RHBDL3: variants seen among roughly 807,000 people sequenced by gnomAD.
The protein encoded by RHBDL3 is rhomboid like 3, also known as rhomboid-related protein 3.
RHBDL3 carries 28 observed loss-of-function variants against 48.2 expected under a neutral mutation model. That is an observed-to-expected ratio of 0.58 (90% CI 0.43 to 0.80). The LOEUF (loss-of-function observed/expected upper bound fraction) is 0.80. RHBDL3 is among the 30% of genes least tolerant of loss of function. RHBDL3 has a pLI of 0.00. For synonymous variants in RHBDL3, 208 were observed against 232.3 expected, an observed-to-expected ratio of 0.90 and a Z score of 0.95; for missense variants, 464 against 542.7, an observed-to-expected ratio of 0.85 and a Z score of 1.44.
chr17:32,268,114 C>G (rs1008304179), intron 2 of RHBDL3, among the ~76,000 whole-genome samples, 189 bp downstream of exon 2: 4 of 152,170 alleles, frequency 2.6e-5, no homozygotes, highest in African/African-American at 4.8e-5. Context: ...ATGGGCTCCC[C>G]TGAGAGGATC....
chr17:32,283,529 T>C (rs974079526), intron 2 of RHBDL3, among the ~76,000 whole-genome samples: 3 of 151,312 alleles, frequency 2.0e-5, no homozygotes, highest in Non-Finnish European at 2.9e-5. Context: ...TTCACCGTGT[T>C]AGCCAGGATG....
At chr17:32,315,832 T>C (rs2040958953) in intron 7 of RHBDL3, among the ~76,000 whole-genome samples, 1 of 151,896 alleles carries the variant, frequency 6.6e-6, no homozygotes, top group Non-Finnish European at 1.5e-5. Context: ...GGCTTCCCCA[T>C]TCATTCCTCA....
intron 7 of RHBDL3, among the ~76,000 whole-genome samples, chr17:32,309,738 C>G (rs976289600): frequency 6.8e-6 from 1 of 147,408 alleles, no homozygotes; most frequent in Non-Finnish European, 1.5e-5. Flanking sequence ...AACAAAAGAT[C>G]TGGAATGCAA....
intron 2 of RHBDL3, among the ~76,000 whole-genome samples, chr17:32,271,736 G>T (rs970926817): frequency 1.3e-5 from 2 of 152,104 alleles, no homozygotes; most frequent in African/African-American, 4.8e-5. Context: ...AGAACAAGAG[G>T]GAAAATGCAG....
intron 6 of RHBDL3, among the ~76,000 whole-genome samples, chr17:32,302,985 A>G (rs902685226): frequency 3.3e-5 from 5 of 152,194 alleles, no homozygotes; most frequent in African/African-American, 1.2e-4. Context: ...ACCTCATTTT[A>G]TAGACATGAA....
chr17:32,290,703 TAAAG>T (rs949030123), intron 4 of RHBDL3, among the ~76,000 whole-genome samples: 2 of 152,026 alleles, frequency 1.3e-5, no homozygotes, highest in African/African-American at 2.4e-5. Flanking sequence ...ACCTGAATCT[TAAAG>T]AAATAAAAGA....
intron 6 of RHBDL3, among the ~76,000 whole-genome samples, chr17:32,303,854 G>A (rs902437868): frequency 2.0e-5 from 3 of 152,026 alleles, no homozygotes; most frequent in Non-Finnish European, 4.4e-5. Flanking sequence ...TCCTAAGTCC[G>A]TGGATCTTGC....
chr17:32,284,586 A>G, intron 2 of RHBDL3, 73 bp from the exon 3 acceptor site: 1 of 1,467,354 alleles, frequency 6.8e-7, no homozygotes, highest in South Asian at 1.2e-5. Context: ...AGTGGTGGAG[A>G]TCAGGGCACC....
chr17:32,278,335 A>G (rs1002302582), intron 2 of RHBDL3, among the ~76,000 whole-genome samples: 6 of 152,160 alleles, frequency 3.9e-5, no homozygotes, highest in Admixed American at 2.0e-4. Context: ...TGTTTCATTC[A>G]ACCGAACAAG....
chr17:32,322,064 C>T lies in RHBDL3; in HGVS notation c.*835C>T, dbSNP rs1371754711. 1.3e-5 allele frequency: 2 copies of T among 153,112 alleles called. No individual in the cohort carries two copies. Among genetic ancestry groups the T allele is most frequent in the African/African-American group, 4.8e-5 (2 of 41,424 alleles). The allele number at this position is 153,112 out of a possible 1,614,324, so 9.5% of individuals were successfully genotyped here. A position where few individuals can be genotyped will look rare whatever the true frequency, so the allele number is the denominator to read the frequency against. On this transcript the variant is annotated 3_prime_UTR_variant, in exon 9 of 9. Coordinates refer to ENST00000269051, the MANE Select transcript of RHBDL3 (RefSeq NM_138328.3). ...GGGTCTTTTTCTTTCCTTTTGCTGCCCTGACACTACTTTGTGCCTCTCTTT... is the reference window on the plus strand; with the variant it reads ...GGGTCTTTTTCTTTCCTTTTGCTGCTCTGACACTACTTTGTGCCTCTCTTT...
Position 32,284,669 on chromosome 17 carries a change from GGAACACAGGC to G in RHBDL3, c.147_156del (p.Asn50ThrfsTer46). 6.2e-7 allele frequency: 1 copy of G among 1,614,034 alleles called. No homozygotes were observed. Among genetic ancestry groups the G allele is most frequent in the Non-Finnish European group, 8.5e-7 (1 of 1,179,902 alleles). On this transcript the variant is annotated frameshift_variant, in exon 3 of 9. Coordinates refer to ENST00000269051, the MANE Select transcript of RHBDL3 (RefSeq NM_138328.3). LOFTEE classifies it high-confidence loss of function. ...CTGCTTTTCCCTCAGTTTGACCCTG[GGAACACAGGC>G]TACATTAGCACAGGCAAGTTCCGGA... is the stretch of plus-strand genomic sequence containing the variant.
intron 5 of RHBDL3, among the ~76,000 whole-genome samples, chr17:32,296,780 A>T (rs1197423767): frequency 3.0e-5 from 1 of 33,284 alleles, no homozygotes; most frequent in Non-Finnish European, 8.6e-5. Flanking sequence ...GCTCTTTTTT[A>T]TTTTATTTTA....
Position 32,283,489 on chromosome 17 carries a change from A to AAT in RHBDL3, c.136-1170_136-1169insAT, listed in dbSNP as rs1567768159. Among the ~76,000 whole-genome samples the AAT allele has an allele frequency of 1.6e-3, 238 of 151,554 alleles. 1 individual carries two copies. Among genetic ancestry groups the AAT allele is most frequent in the African/African-American group, 5.1e-3 (212 of 41,218 alleles). On this transcript the variant is annotated intron_variant, in intron 2 of 8. Coordinates refer to ENST00000269051, the MANE Select transcript of RHBDL3 (RefSeq NM_138328.3). ...CAGGCGCACACCACCACGCCCGGCT[A>AAT]CTTTTTTGTATTTTTAGTAGAGACG...
At chr17:32,271,905 G>A (rs1038475833) in intron 2 of RHBDL3, among the ~76,000 whole-genome samples, 1 of 152,176 alleles carries the variant, frequency 6.6e-6, no homozygotes, top group South Asian at 2.1e-4. Flanking sequence ...CATGTGCTAC[G>A]ATGAACAGAA....
At chr17:32,311,302 C>T (rs1016864006) in intron 7 of RHBDL3, among the ~76,000 whole-genome samples, 2 of 152,172 alleles carry the variant, frequency 1.3e-5, no homozygotes, top group Admixed American at 6.5e-5. Context: ...TCTTCTCTCC[C>T]GTTGTTTCAG....
intron 4 of RHBDL3, among the ~76,000 whole-genome samples, chr17:32,291,058 C>T (rs117283580): frequency 0.022 from 3,280 of 148,616 alleles, 49 homozygotes; most frequent in South Asian, 0.04. Context: ...ATTGGCCGGA[C>T]GTGGTGGCTC....
chr17:32,313,185 A>AT (rs997028881), intron 7 of RHBDL3, among the ~76,000 whole-genome samples: 12 of 152,054 alleles, frequency 7.9e-5, no homozygotes, highest in Admixed American at 7.9e-4. Flanking sequence ...GTGAAGTTCC[A>AT]TATCTACAAA....
At chr17:32,285,516 C>A (rs1265745284) in intron 3 of RHBDL3, among the ~76,000 whole-genome samples, 2 of 152,036 alleles carry the variant, frequency 1.3e-5, no homozygotes, top group Admixed American at 1.3e-4. Flanking sequence ...TCCTGCCCAG[C>A]GGTCTGTTAT....
Position 32,298,164 on chromosome 17 carries a change from C to T in RHBDL3, c.741C>T (p.Ala247=). 6.2e-7 allele frequency: 1 copy of T among 1,614,012 alleles called. No homozygotes were observed. Among genetic ancestry groups the T allele is most frequent in the Non-Finnish European group, 8.5e-7 (1 of 1,179,932 alleles). The part of the protein sequence containing the change: ...VGVPLEMVHG[A]TRIGLVYVAG... ...TGCCCCTGGAGATGGTGCATGGAGCCACCCGAATTGGGCTTGTCTACGTGG... is the reference window on the plus strand; with the variant it reads ...TGCCCCTGGAGATGGTGCATGGAGCTACCCGAATTGGGCTTGTCTACGTGG... The change falls in exon 6 of 9, where the codon GCC becomes GCT. Residue 247 remains alanine, a synonymous_variant. Transcript: ENST00000269051.
Sources: allele counts gnomAD v4.1 joint callset (sites outside exome capture counted in the v4.1 genomes callset), GRCh38; gene constraint gnomAD v4.1.1; transcripts MANE v1.5; gene names NCBI Gene and HGNC (gene_info 2026-07-23, HGNC 2026-07-21).